EML1: variants seen among roughly 807,000 people sequenced by gnomAD.
EML1 encodes EMAP like 1, also known as echinoderm microtubule-associated protein-like 1.
EML1 carries 27 observed loss-of-function variants against 110.4 expected under a neutral mutation model. That is an observed-to-expected ratio of 0.24 (90% CI 0.18 to 0.34). The LOEUF is 0.34. Ranked by LOEUF, EML1 falls within the 10% of genes least tolerant of loss-of-function variation. The pLI, the probability that EML1 is intolerant of heterozygous loss-of-function variation, is 1.00. For synonymous variants in EML1, 344 were observed against 385.8 expected (o/e 0.89, Z 1.27); for missense variants, 741 against 1,030.9 (o/e 0.72, Z 3.85).
At chr14:99,772,331 G>T (rs757422087), upstream of EML1, among the ~76,000 whole-genome samples, 6 of 152,184 alleles carry the variant, frequency 3.9e-5, no homozygotes, top group Non-Finnish European at 8.8e-5. Flanking sequence ...CTAAATTTGG[G>T]GTTCTCCTTC....
intron 2 of EML1, among the ~76,000 whole-genome samples, chr14:99,853,538 G>A (rs933010137): frequency 1.3e-5 from 2 of 152,192 alleles, no homozygotes; most frequent in Admixed American, 6.5e-5. Context: ...GTCATGGTTG[G>A]GGTGGGGAGT....
intron 15 of EML1, among the ~76,000 whole-genome samples, chr14:99,915,595 G>GT (rs34853685): frequency 3.2e-4 from 48 of 148,550 alleles, no homozygotes; most frequent in African/African-American, 5.0e-4. Flanking sequence ...GGTTGAAGAG[G>GT]TTTTTTTTTT....
At chr14:99,793,592 C>A (rs1478310452) in intron 1 of EML1, 49 bp downstream of exon 1, 1 of 990,340 alleles carries the variant, frequency 1.0e-6, no homozygotes, top group Non-Finnish European at 1.2e-6. Flanking sequence ...TGGTGGCGGG[C>A]GGCGGCGACG....
At chr14:99,918,107 T>C (rs2060065423) in intron 16 of EML1, among the ~76,000 whole-genome samples, 1 of 152,136 alleles carries the variant, frequency 6.6e-6, no homozygotes, top group Non-Finnish European at 1.5e-5. Flanking sequence ...ACACACACTT[T>C]TTTTGTTTGT....
At chr14:99,737,902 C>A in intron 1 of EML1, 1 of 1,285,752 alleles carries the variant, frequency 7.8e-7, no homozygotes, top group Middle Eastern at 2.2e-4. Flanking sequence ...GCTCCGGTTG[C>A]AGAGCCAAGG....
chr14:99,910,928 T>C (rs2059935954), intron 12 of EML1, among the ~76,000 whole-genome samples: 1 of 152,174 alleles, frequency 6.6e-6, no homozygotes. Context: ...TCTTAGAGTT[T>C]GAATTGGGGC....
chr14:99,905,579 T>C lies in EML1; in HGVS notation c.1009-2059T>C, dbSNP rs2059831849. On this transcript the variant is annotated intron_variant, in intron 9 of 21. Coordinates refer to ENST00000262233, the MANE Select transcript of EML1 (RefSeq NM_004434.3). This position sits in a 1 kb window ranked among gnomAD's most constrained non-coding sequence, Gnocchi z 4.1. Reference sequence around the variant, plus strand: ...CAGCAGTCCCGTCAGCTCTTAAATTTCCCCTTTTGGGGAGGAAAAAGTTCC... The same window carrying C: ...CAGCAGTCCCGTCAGCTCTTAAATTCCCCCTTTTGGGGAGGAAAAAGTTCC... Among the ~76,000 whole-genome samples the C allele has an allele frequency of 6.6e-6, 1 of 152,182 alleles. No individual in the cohort carries two copies. The highest frequency in any genetic ancestry group is 1.9e-4 in the East Asian group (1 of 5,198).
chr14:99,768,070 GA>G (rs1305728771), upstream of EML1, among the ~76,000 whole-genome samples: 1 of 152,178 alleles, frequency 6.6e-6, no homozygotes, highest in Non-Finnish European at 1.5e-5. Flanking sequence ...AAGTCACCCT[GA>G]TTTGAAGTCA....
At chr14:99,846,063 A>G (rs1220937555) in intron 1 of EML1, among the ~76,000 whole-genome samples, 2 of 150,950 alleles carry the variant, frequency 1.3e-5, no homozygotes, top group East Asian at 3.9e-4. Flanking sequence ...AAAAAAAAAA[A>G]AAGAAAAGAA....
chr14:99,866,570 CAAAAAAAAAAAAAA>C (rs57796662), intron 3 of EML1, among the ~76,000 whole-genome samples: 34,751 of 80,646 alleles, frequency 0.43, 5,310 homozygotes, highest in Non-Finnish European at 0.49. Flanking sequence ...AACTCCATCT[CAAAAAAAAAAAAAA>C]AAAAAAAAAA....
chr14:99,770,044 C>T (rs146259599), upstream of EML1, among the ~76,000 whole-genome samples: 38 of 152,304 alleles, frequency 2.5e-4, no homozygotes, highest in East Asian at 6.6e-3. Context: ...CCTTGTCCAC[C>T]GGGTTTTGAT....
chr14:99,859,613 C>T (rs1595390583), intron 2 of EML1, among the ~76,000 whole-genome samples: 1 of 152,136 alleles, frequency 6.6e-6, no homozygotes, highest in East Asian at 1.9e-4. Context: ...GCGCCCCGGC[C>T]CCTGAATCCC....
In EML1 at chr14:99,803,298, C is replaced by T. The variant is rs1288096659; in HGVS notation, c.67+9755C>T. Among the ~76,000 whole-genome samples the T allele has an allele frequency of 2.8e-4, 43 of 152,230 alleles. 1 individual carries two copies. Among genetic ancestry groups the T allele is most frequent in the East Asian group, 1.9e-4 (1 of 5,202 alleles). On this transcript the variant is annotated intron_variant, in intron 1 of 21. Coordinates refer to ENST00000262233, the MANE Select transcript of EML1 (RefSeq NM_004434.3). The stretch of plus-strand genomic sequence containing the variant: ...TGCATGCCAAATAAAGCACGCCCAC[C>T]GCTTCCCTGTGTGCTTGAAACAACG...
chr14:99,929,818 TAGC>T (rs1262584099), intron 17 of EML1, among the ~76,000 whole-genome samples: 1 of 152,176 alleles, frequency 6.6e-6, no homozygotes, highest in Non-Finnish European at 1.5e-5. Flanking sequence ...ATCTCCAAGG[TAGC>T]AGCACCCTGC....
intron 3 of EML1, among the ~76,000 whole-genome samples, chr14:99,876,166 G>C (rs1378817212): frequency 7.8e-6 from 1 of 127,736 alleles, no homozygotes; most frequent in East Asian, 3.4e-4. Flanking sequence ...GAAGAGAGGA[G>C]AGAGTCACTG....
intron 1 of EML1, among the ~76,000 whole-genome samples, chr14:99,834,061 C>G (rs2058501662): frequency 6.6e-6 from 1 of 151,916 alleles, no homozygotes; most frequent in Non-Finnish European, 1.5e-5. Context: ...AGACACCCTT[C>G]ATCAGATTGA....
intron 1 of EML1, among the ~76,000 whole-genome samples, chr14:99,753,107 T>G (rs2057195454): frequency 6.6e-6 from 1 of 151,530 alleles, no homozygotes; most frequent in Non-Finnish European, 1.5e-5. Flanking sequence ...GCAGGACACA[T>G]GTGGAGGGGT....
intron 1 of EML1, among the ~76,000 whole-genome samples, chr14:99,847,506 TGCCTGGCTAA>T (rs1378369808): frequency 3.9e-5 from 6 of 152,176 alleles, no homozygotes; most frequent in Non-Finnish European, 4.4e-5. Flanking sequence ...TATGCCACCA[TGCCTGGCTAA>T]TTTTTAAATT....
chr14:99,837,989 C>T (rs966829094), intron 1 of EML1, among the ~76,000 whole-genome samples: 4 of 151,992 alleles, frequency 2.6e-5, no homozygotes, highest in Admixed American at 6.6e-5. Context: ...TTTGTAGAGA[C>T]GGGGTCTCAC....
Sources: allele counts gnomAD v4.1 joint callset (sites outside exome capture counted in the v4.1 genomes callset), GRCh38; gene constraint gnomAD v4.1.1; non-coding constraint Gnocchi (gnomAD v3.1); transcripts MANE v1.5; gene names NCBI Gene and HGNC (gene_info 2026-07-23, HGNC 2026-07-21).